METTL15: variants seen among roughly 807,000 people sequenced by gnomAD.
METTL15 encodes methyltransferase 15, mitochondrial 12S rRNA N4-cytidine.
In METTL15, 34 loss-of-function variants were observed where a neutral mutation model predicts 38.3. The observed-to-expected ratio is 0.89, with a 90% CI of 0.68 to 1.18. The LOEUF (loss-of-function observed/expected upper bound fraction) is 1.18, where lower values mean the gene tolerates loss of function less well. Ranked by LOEUF, METTL15 falls within the 50% of genes most tolerant of loss-of-function variation. The probability of loss-of-function intolerance (pLI) is 0.00; values close to 1 mark genes in which losing one functional copy is unlikely to be tolerated. For missense variants in METTL15, 438 were observed against 498.4 expected, an observed-to-expected ratio of 0.88 and a Z score of 1.15; for synonymous variants, 162 against 170.9, an observed-to-expected ratio of 0.95 and a Z score of 0.41.
intron 6 of METTL15, among the ~76,000 whole-genome samples, chr11:28,479,704 C>T (rs752235643): frequency 3.3e-5 from 5 of 152,068 alleles, no homozygotes; most frequent in Non-Finnish European, 5.9e-5. Flanking sequence ...TTGGCAAGTT[C>T]CTCTTTCTGA....
At chr11:28,285,243 C>T (rs1856207487) in intron 4 of METTL15, among the ~76,000 whole-genome samples, 1 of 152,108 alleles carries the variant, frequency 6.6e-6, no homozygotes. Flanking sequence ...TGAGAATGAA[C>T]TAACATACAT....
At chr11:28,372,574 T>A (rs1850256508) in intron 5 of METTL15, among the ~76,000 whole-genome samples, 2 of 151,628 alleles carry the variant, frequency 1.3e-5, no homozygotes, top group South Asian at 4.2e-4. Flanking sequence ...AAAATAACAG[T>A]AATGTTTCAG....
chr11:28,467,419 A>G (rs1851266349), intron 6 of METTL15, among the ~76,000 whole-genome samples: 1 of 152,194 alleles, frequency 6.6e-6, no homozygotes, highest in African/African-American at 2.4e-5. Context: ...CTTCGACAAG[A>G]GGCTCCAAAC....
intron 4 of METTL15, among the ~76,000 whole-genome samples, chr11:28,285,901 T>C (rs573908944): frequency 7.9e-5 from 12 of 152,258 alleles, no homozygotes; most frequent in African/African-American, 2.9e-4. Flanking sequence ...AGTTGTGACT[T>C]GTGCCAATTT....
chr11:28,400,993 G>A (rs1850625349), intron 5 of METTL15, among the ~76,000 whole-genome samples: 1 of 151,974 alleles, frequency 6.6e-6, no homozygotes, highest in African/African-American at 2.4e-5. Context: ...GTGAACAGCT[G>A]TCAAGAAGAA....
intron 3 of METTL15, among the ~76,000 whole-genome samples, chr11:28,180,102 T>C (rs1290154543): frequency 6.6e-6 from 1 of 151,854 alleles, no homozygotes; most frequent in African/African-American, 2.4e-5. Flanking sequence ...TCCTACTCAG[T>C]TGTTAAACCA....
intron 6 of METTL15, among the ~76,000 whole-genome samples, chr11:28,438,449 C>T (rs1057147806): frequency 6.6e-6 from 1 of 152,120 alleles, no homozygotes; most frequent in Non-Finnish European, 1.5e-5. Flanking sequence ...TCTATTTTCT[C>T]TCTTGCTGGG....
rs1051027333 is a variant in METTL15, at chr11:28,293,281, G to C, written c.599+2884G>C. 5.7e-4 allele frequency among the ~76,000 whole-genome samples: 87 copies of C among 152,180 alleles called. 1 individual carries two copies. The highest frequency in any genetic ancestry group is 1.7e-3 in the African/African-American group (69 of 41,538). Reference sequence around the variant, plus strand: ...TTTCAGCTTTCTACATATGGCTAGCGAGTTTTCCCAGCCCCATTTATTAAA... The same window carrying C: ...TTTCAGCTTTCTACATATGGCTAGCCAGTTTTCCCAGCCCCATTTATTAAA... On this transcript the variant is annotated intron_variant, in intron 5 of 6. Transcript: ENST00000407364.
At chr11:28,385,543 A>T (rs1008095105) in intron 5 of METTL15, among the ~76,000 whole-genome samples, 1 of 152,114 alleles carries the variant, frequency 6.6e-6, no homozygotes, top group African/African-American at 2.4e-5. Context: ...TGGTTACTAT[A>T]GCCTTGTAGT....
At chr11:28,339,998 A>C (rs556672028) in intron 3 of METTL15, among the ~76,000 whole-genome samples, 1 of 152,186 alleles carries the variant, frequency 6.6e-6, no homozygotes, top group African/African-American at 2.4e-5. Context: ...GTAAACAATC[A>C]TGAGAATTAT....
chr11:28,328,530 G>C (rs1164090936), intron 6 of METTL15, among the ~76,000 whole-genome samples: 1 of 152,014 alleles, frequency 6.6e-6, no homozygotes, highest in East Asian at 1.9e-4. Flanking sequence ...CAAGATTGCA[G>C]TTATTTTCTG....
chr11:28,208,371 C>T (rs1191736387), intron 3 of METTL15, among the ~76,000 whole-genome samples: 2 of 151,864 alleles, frequency 1.3e-5, no homozygotes, highest in African/African-American at 2.4e-5. Flanking sequence ...TTATGTACCC[C>T]ATAGTCATTC....
At chr11:28,189,931 A>G (rs1851640127) in intron 3 of METTL15, among the ~76,000 whole-genome samples, 1 of 151,426 alleles carries the variant, frequency 6.6e-6, no homozygotes, top group Non-Finnish European at 1.5e-5. Flanking sequence ...AACAGACTTC[A>G]TATATATTTG....
At chr11:28,394,053 T>A (rs1488754799) in intron 5 of METTL15, among the ~76,000 whole-genome samples, 1 of 152,144 alleles carries the variant, frequency 6.6e-6, no homozygotes, top group Non-Finnish European at 1.5e-5. Context: ...TGTGTCTGAC[T>A]TTTCCATTAG....
At chr11:28,235,991 A>G (rs1853944875) in intron 4 of METTL15, among the ~76,000 whole-genome samples, 1 of 151,860 alleles carries the variant, frequency 6.6e-6, no homozygotes, top group Admixed American at 6.6e-5. Context: ...ATCAATACCT[A>G]ATTTATTGAG....
chr11:28,290,099 G>T, intron 4 of METTL15, 107 bp from the exon 5 acceptor site: 1 of 912,264 alleles, frequency 1.1e-6, no homozygotes, highest in Non-Finnish European at 1.6e-6. Flanking sequence ...AATATATATC[G>T]GTTAAATCAT....
chr11:28,431,627 G>A (rs1434746766), intron 6 of METTL15, among the ~76,000 whole-genome samples: 2 of 76,912 alleles, frequency 2.6e-5, no homozygotes, highest in Non-Finnish European at 5.2e-5. Context: ...CAAGTAATCA[G>A]GGACACAAAC....
intron 6 of METTL15, among the ~76,000 whole-genome samples, chr11:28,454,459 T>C (rs1851150907): frequency 6.6e-6 from 1 of 152,214 alleles, no homozygotes; most frequent in Non-Finnish European, 1.5e-5. Flanking sequence ...GGGAGACATA[T>C]TTAGGGTTTT....
intron 3 of METTL15, among the ~76,000 whole-genome samples, chr11:28,135,113 A>C (rs1849473041): frequency 6.6e-6 from 1 of 152,194 alleles, no homozygotes; most frequent in Non-Finnish European, 1.5e-5. Context: ...CTTAAAAACA[A>C]CTGATGAGAT....
Sources: allele counts gnomAD v4.1 joint callset (sites outside exome capture counted in the v4.1 genomes callset), GRCh38; gene constraint gnomAD v4.1.1; transcripts MANE v1.5; gene names NCBI Gene and HGNC (gene_info 2026-07-23, HGNC 2026-07-21).